Variants in GPRIN3 observed in about 807,000 individuals in gnomAD.
The protein encoded by GPRIN3 is G protein-regulated inducer of neurite outgrowth 3.
GPRIN3 carries 12 observed loss-of-function variants against 13.7 expected under a neutral mutation model. That is an observed-to-expected ratio of 0.87 (90% CI 0.56 to 1.42). The LOEUF (loss-of-function observed/expected upper bound fraction) is 1.42, where lower values mean the gene tolerates loss of function less well. Among genes scored for constraint, GPRIN3 ranks in the 40% most tolerant of loss-of-function variants. The probability of loss-of-function intolerance (pLI) is 0.00; values close to 1 mark genes in which losing one functional copy is unlikely to be tolerated. For synonymous variants in GPRIN3, 377 were observed against 372.7 expected (o/e 1.01, Z -0.13); for missense variants, 1,009 against 958.7 (o/e 1.05, Z -0.69).
chr4:89,259,165 A>T (rs1014149191), intron 1 of GPRIN3, among the ~76,000 whole-genome samples: 1 of 152,190 alleles, frequency 6.6e-6, no homozygotes, highest in Non-Finnish European at 1.5e-5. Flanking sequence ...GAAAATTAAC[A>T]CACAATAAGC....
chr4:89,253,297 A>C (rs1723381671), intron 1 of GPRIN3, among the ~76,000 whole-genome samples: 1 of 152,220 alleles, frequency 6.6e-6, no homozygotes, highest in Admixed American at 6.5e-5. Context: ...AACGTACAGG[A>C]AAATTTGATC....
intron 1 of GPRIN3, among the ~76,000 whole-genome samples, chr4:89,286,625 C>T (rs1490391269): frequency 6.6e-6 from 1 of 152,032 alleles, no homozygotes; most frequent in Non-Finnish European, 1.5e-5. Flanking sequence ...TCCTTTTATA[C>T]ATTAATTTTG....
chr4:89,302,675 G>A (rs1724930346), intron 1 of GPRIN3, among the ~76,000 whole-genome samples: 1 of 152,126 alleles, frequency 6.6e-6, no homozygotes, highest in African/African-American at 2.4e-5. Context: ...ATTCAAGAGA[G>A]TACGTAATTT....
In GPRIN3 at chr4:89,245,843, C is replaced by T. The variant is rs764318978; in HGVS notation, c.*1937G>A. On this transcript the variant is annotated 3_prime_UTR_variant, in exon 2 of 2. Coordinates refer to ENST00000609438, the MANE Select transcript of GPRIN3 (RefSeq NM_198281.3). ...ATCTCTAATCATTAATAGTAATTTG[C>T]TTGGTAATTTGATGGAAATTTCAAC... The T allele has an allele frequency of 1.5e-5, 2 of 130,388 alleles. No individual in the cohort carries two copies. The highest frequency in any genetic ancestry group is 3.0e-5 in the African/African-American group (1 of 33,198). The allele number at this position is 130,388 out of a possible 1,614,324, so 8.1% of individuals were successfully genotyped here.
intron 1 of GPRIN3, among the ~76,000 whole-genome samples, chr4:89,257,533 C>A (rs1178464534): frequency 6.6e-6 from 1 of 152,138 alleles, no homozygotes; most frequent in African/African-American, 2.4e-5. Flanking sequence ...CTCCTTAGAA[C>A]AGCTCTATAA....
chr4:89,260,279 T>C (rs1293807895), intron 1 of GPRIN3, among the ~76,000 whole-genome samples: 2 of 152,210 alleles, frequency 1.3e-5, no homozygotes, highest in Non-Finnish European at 2.9e-5. Context: ...CAGGGTCTTA[T>C]GGTCTATACC....
chr4:89,267,002 G>C (rs1347101717), intron 1 of GPRIN3, among the ~76,000 whole-genome samples: 1 of 152,152 alleles, frequency 6.6e-6, no homozygotes, highest in Non-Finnish European at 1.5e-5. Context: ...TATATGTAAA[G>C]AAAATTAGAA....
chr4:89,273,347 ACTCCTAC>A (rs1259138503), intron 1 of GPRIN3, among the ~76,000 whole-genome samples: 1 of 152,016 alleles, frequency 6.6e-6, no homozygotes, highest in Non-Finnish European at 1.5e-5. Context: ...GAGCCTCACC[ACTCCTAC>A]CTCTGTAATT....
intron 1 of GPRIN3, among the ~76,000 whole-genome samples, chr4:89,278,922 G>C (rs550365045): frequency 6.6e-6 from 1 of 152,176 alleles, no homozygotes; most frequent in East Asian, 1.9e-4. Flanking sequence ...TCATGGTAGA[G>C]GCCTGTCACT....
At chr4:89,300,624 A>T (rs1724869279) in intron 1 of GPRIN3, among the ~76,000 whole-genome samples, 1 of 152,162 alleles carries the variant, frequency 6.6e-6, no homozygotes, top group South Asian at 2.1e-4. Context: ...TGCTCACAGC[A>T]AAGCTTTCTT....
rs1020144565 is a variant in GPRIN3, at chr4:89,300,824, T to A, written c.-124+6791A>T. 7.2e-5 allele frequency among the ~76,000 whole-genome samples: 11 copies of A among 152,218 alleles called. No individual in the cohort carries two copies. In the East Asian group the frequency reaches 7.7e-4, roughly 11 times the overall value. ...CCATACCCACTTTGTCATAAGCAAT[T>A]TTTACCCAACCAAGGATGCAGGTGA... On this transcript the variant is annotated intron_variant, in intron 1 of 1. Coordinates refer to ENST00000609438, the MANE Select transcript of GPRIN3 (RefSeq NM_198281.3).
In GPRIN3 at chr4:89,244,594, A is replaced by C. The variant is rs753813831; in HGVS notation, c.*3186T>G. ...AGTTGGTCTGTGGCATTCAAAGTCA[A>C]TAATCCAGAAATACATAATTAGAAA... On this transcript the variant is annotated 3_prime_UTR_variant, in exon 2 of 2. Transcript: ENST00000609438. 6.6e-6 allele frequency: 1 copy of C among 152,206 alleles called. No individual in the cohort carries two copies. Among genetic ancestry groups the C allele is most frequent in the African/African-American group, 2.4e-5 (1 of 41,466 alleles). 9.4% of individuals were successfully genotyped at this position (152,206 alleles called of 1,614,324 possible).
At position 89,253,150 on chromosome 4, in the gene GPRIN3, G is replaced by A. The variant is rs139596303; in HGVS notation, c.-123-2917C>T. Among the ~76,000 whole-genome samples, 277 of 152,046 alleles carry A rather than the reference G, an allele frequency of 1.8e-3. 1 individual carries two copies. Among genetic ancestry groups the A allele is most frequent in the African/African-American group, 6.5e-3 (268 of 41,448 alleles). ...TTTTTCCAAAAACACTGCAAGCCCC[G>A]GAAGGAAAAGAAAGAAGCCTATTGA... On this transcript the variant is annotated intron_variant, in intron 1 of 1. Coordinates refer to ENST00000609438, the MANE Select transcript of GPRIN3 (RefSeq NM_198281.3).
In GPRIN3 at chr4:89,236,396, A is replaced by C. The variant is rs1450032149; in HGVS notation, c.*11384T>G. 6.6e-6 allele frequency: 1 copy of C among 152,206 alleles called. No individual in the cohort carries two copies. The highest frequency in any genetic ancestry group is 1.5e-5 in the Non-Finnish European group (1 of 68,042). The allele number at this position is 152,206 out of a possible 1,614,324, so 9.4% of individuals were successfully genotyped here. On this transcript the variant is annotated 3_prime_UTR_variant, in exon 2 of 2. Transcript: ENST00000609438. ...AAAACAAAATTCTTATTATTTATCC[A>C]GATTTATCAAAAGTTTATTAAATAG...
chr4:89,279,760 G>T (rs1206919177), intron 1 of GPRIN3, among the ~76,000 whole-genome samples: 1 of 152,152 alleles, frequency 6.6e-6, no homozygotes, highest in African/African-American at 2.4e-5. Context: ...TTTCTCTACA[G>T]AAGTTTCCTC....
rs116730783 is a variant in GPRIN3, at chr4:89,275,383, T to A, written c.-123-25150A>T. Among the ~76,000 whole-genome samples, 1,359 of 152,282 alleles carry A rather than the reference T, an allele frequency of 8.9e-3. 22 individuals carry two copies. The highest frequency in any genetic ancestry group is 0.028 in the African/African-American group (1,154 of 41,542). On this transcript the variant is annotated intron_variant, in intron 1 of 1. Transcript: ENST00000609438. ...CTAGTCAAGATATTCTAATCAATGT[T>A]AAAATAATAGTACCCTGTCGAGAGC...
At chr4:89,255,928 G>A (rs552926236) in intron 1 of GPRIN3, among the ~76,000 whole-genome samples, 12 of 152,314 alleles carry the variant, frequency 7.9e-5, no homozygotes, top group South Asian at 4.1e-4. Flanking sequence ...AATGGGAACC[G>A]TATCCTTGAC....
chr4:89,268,217 A>G (rs1723834923), intron 1 of GPRIN3, among the ~76,000 whole-genome samples: 1 of 152,232 alleles, frequency 6.6e-6, no homozygotes, highest in Non-Finnish European at 1.5e-5. Context: ...TAGAGTGATC[A>G]ACTATGAGGC....
intron 1 of GPRIN3, among the ~76,000 whole-genome samples, chr4:89,291,493 T>C (rs1724571175): frequency 6.6e-6 from 1 of 152,244 alleles, no homozygotes; most frequent in Admixed American, 6.5e-5. Context: ...CCTGTTGTTG[T>C]GCATATCAAT....
Sources: allele counts gnomAD v4.1 joint callset (sites outside exome capture counted in the v4.1 genomes callset), GRCh38; gene constraint gnomAD v4.1.1; transcripts MANE v1.5; gene names NCBI Gene and HGNC (gene_info 2026-07-23, HGNC 2026-07-21).